The following LAMA2 variants were observed in gnomAD, a reference collection of about 807,000 sequenced individuals.
The protein encoded by LAMA2 is laminin subunit alpha 2.
In LAMA2, 269 loss-of-function variants were observed where a neutral mutation model predicts 364.8. The ratio of observed to expected loss-of-function variants is 0.74; its 90% CI spans 0.67 to 0.82. The LOEUF (loss-of-function observed/expected upper bound fraction) is 0.82. Among genes scored for constraint, LAMA2 ranks in the 40% least tolerant of loss-of-function variants. The probability of loss-of-function intolerance (pLI) is 0.00; values close to 1 mark genes in which losing one functional copy is unlikely to be tolerated. For missense variants in LAMA2, 3,807 were observed against 3,873.2 expected, an observed-to-expected ratio of 0.98 and a Z score of 0.45; for synonymous variants, 1,379 against 1,370.6, an observed-to-expected ratio of 1.01 and a Z score of -0.14.
chr6:129,221,164 A>AAC (rs1783809662), intron 12 of LAMA2, among the ~76,000 whole-genome samples: 1 of 151,088 alleles, frequency 6.6e-6, no homozygotes, highest in Non-Finnish European at 1.5e-5. Flanking sequence ...CTCCATCTCA[A>AAC]AAAAAAAATA....
intron 22 of LAMA2, among the ~76,000 whole-genome samples, chr6:129,308,681 C>CT (rs1774028799): frequency 6.6e-6 from 1 of 152,126 alleles, no homozygotes; most frequent in Non-Finnish European, 1.5e-5. Flanking sequence ...ACAATTCTTG[C>CT]ATTGCTATAA....
intron 1 of LAMA2, among the ~76,000 whole-genome samples, chr6:128,977,078 A>G (rs943843782): frequency 6.6e-6 from 1 of 152,000 alleles, no homozygotes; most frequent in African/African-American, 2.4e-5. Flanking sequence ...CTTTTTTCCT[A>G]TGAGTACCTT....
intron 1 of LAMA2, among the ~76,000 whole-genome samples, chr6:128,971,777 G>GGT (rs1382749241): frequency 2.6e-5 from 4 of 152,144 alleles, no homozygotes; most frequent in African/African-American, 9.7e-5. Flanking sequence ...CACAGAAAGA[G>GGT]GTACCCCTTA....
At chr6:128,894,560 A>G (rs1776650361) in intron 1 of LAMA2, among the ~76,000 whole-genome samples, 2 of 152,234 alleles carry the variant, frequency 1.3e-5, no homozygotes, top group Non-Finnish European at 2.9e-5. Context: ...ATTCCACGAA[A>G]AAAGTGGCTA....
chr6:129,068,005 C>G (rs1773049409), intron 3 of LAMA2, among the ~76,000 whole-genome samples: 1 of 152,116 alleles, frequency 6.6e-6, no homozygotes, highest in South Asian at 2.1e-4. Flanking sequence ...TGTTACTGTT[C>G]AGTTGAATAT....
At chr6:129,364,096 T>C (rs867083971) in intron 32 of LAMA2, among the ~76,000 whole-genome samples, 1 of 152,308 alleles carries the variant, frequency 6.6e-6, no homozygotes, top group Non-Finnish European at 1.5e-5. Context: ...GGTGACGCTC[T>C]ACAGTTGTCA....
Position 129,475,360 on chromosome 6 carries a change from GT to G in LAMA2, c.7440-20del, listed in dbSNP as rs398123386. ...TTATAAGTAAATTGTTTTTATTTTT[GT>G]TTTTTTTTTCCTCTTTCCCGTTATC... On this transcript the variant is annotated intron_variant, in intron 52 of 64. Coordinates refer to ENST00000421865, the MANE Select transcript of LAMA2 (RefSeq NM_000426.4). The G allele has an allele frequency of 2.8e-3, 3,239 of 1,161,996 alleles. 29 individuals are homozygous for G. The highest frequency in any genetic ancestry group is 0.023 in the African/African-American group (1,371 of 60,222). The allele number at this position is 1,161,996 out of a possible 1,614,324, so 72.0% of individuals were successfully genotyped here. A position where few individuals can be genotyped will look rare whatever the true frequency, so the allele number is the denominator to read the frequency against.
chr6:129,101,500 A>G (rs566928391), intron 4 of LAMA2, among the ~76,000 whole-genome samples: 12 of 152,294 alleles, frequency 7.9e-5, no homozygotes, highest in Non-Finnish European at 1.8e-4. Context: ...TCTCTGATTT[A>G]TTTAAATATT....
intron 3 of LAMA2, among the ~76,000 whole-genome samples, chr6:129,093,347 C>T (rs1774968472): frequency 6.6e-6 from 1 of 150,530 alleles, no homozygotes; most frequent in Admixed American, 6.6e-5. Flanking sequence ...GAAACTGATT[C>T]TGGTTTTCAG....
At chr6:129,202,378 A>G (rs1782361320) in intron 12 of LAMA2, among the ~76,000 whole-genome samples, 1 of 151,972 alleles carries the variant, frequency 6.6e-6, no homozygotes, top group South Asian at 2.1e-4. Context: ...TGGGGGAGTG[A>G]TTAAGTCATG....
intron 4 of LAMA2, among the ~76,000 whole-genome samples, chr6:129,124,704 A>G (rs1028088151): frequency 6.6e-6 from 1 of 152,166 alleles, no homozygotes; most frequent in African/African-American, 2.4e-5. Flanking sequence ...TCTTTTTCAT[A>G]AAAAAAATTT....
chr6:128,977,983 C>T (rs997692128), intron 1 of LAMA2, among the ~76,000 whole-genome samples: 3 of 152,104 alleles, frequency 2.0e-5, no homozygotes, highest in Admixed American at 2.0e-4. Context: ...AGTTGTCCTT[C>T]TTTTAAAGAG....
chr6:129,060,054 T>C (rs911067371), intron 3 of LAMA2, among the ~76,000 whole-genome samples, 158 bp downstream of exon 3: 1 of 152,240 alleles, frequency 6.6e-6, no homozygotes, highest in African/African-American at 2.4e-5. Context: ...ATATAGCGTA[T>C]TGTTATTTAC....
intron 1 of LAMA2, among the ~76,000 whole-genome samples, chr6:128,887,285 T>C (rs1323343149): frequency 6.6e-6 from 1 of 152,166 alleles, no homozygotes; most frequent in East Asian, 1.9e-4. Flanking sequence ...TTTTTTTAAA[T>C]ATTTTTCTTT....
intron 28 of LAMA2, among the ~76,000 whole-genome samples, chr6:129,321,448 C>G (rs377215873): frequency 6.6e-6 from 1 of 152,142 alleles, no homozygotes; most frequent in African/African-American, 2.4e-5. Context: ...TCACCTCTCC[C>G]GCAGACCCCA....
intron 58 of LAMA2, among the ~76,000 whole-genome samples, chr6:129,493,103 C>T (rs183856272): frequency 1.8e-3 from 275 of 152,048 alleles, no homozygotes; most frequent in African/African-American, 3.7e-3. Context: ...TGCAGTGAGC[C>T]GAGATCACGC....
Position 129,027,783 on chromosome 6 carries a change from G to A in LAMA2, c.113-22135G>A, listed in dbSNP as rs558064508. Among the ~76,000 whole-genome samples the A allele has an allele frequency of 2.0e-5, 3 of 151,944 alleles. No individual in the cohort carries two copies. In the East Asian group the frequency reaches 5.8e-4, roughly 29 times the overall value. On this transcript the variant is annotated intron_variant, in intron 1 of 64. Coordinates refer to ENST00000421865, the MANE Select transcript of LAMA2 (RefSeq NM_000426.4). ...GGAAGTGAGATGCTGTGTTCAGAGT[G>A]AGATAAGGAAATAATTTGACCAGAG...
intron 1 of LAMA2, among the ~76,000 whole-genome samples, chr6:129,044,395 T>C (rs1008555985): frequency 2.6e-5 from 4 of 152,100 alleles, no homozygotes; most frequent in African/African-American, 9.7e-5. Context: ...TGTGTGAACA[T>C]ACTACATTAT....
rs138782094 is a variant in LAMA2 at position 129,314,756 on chromosome 6, T to C, written c.3513T>C (p.Thr1171=). ...GCAGCAGCTGCTATTGCTTCGGCAC[T>C]ACTACCCAGTGCTCTGAAGCAAAAG... ...LGCSSCYCFG[T]TTQCSEAKGL... Residue 1171 remains threonine (T), a synonymous_variant, in exon 24 of 65, where the codon ACT becomes ACC. Coordinates refer to ENST00000421865, the MANE Select transcript of LAMA2 (RefSeq NM_000426.4). 3.8e-5 allele frequency: 62 copies of C among 1,613,942 alleles called. 1 individual carries two copies. Among genetic ancestry groups the C allele is most frequent in the Non-Finnish European group, 5.0e-5 (59 of 1,180,030 alleles).
Sources: allele counts gnomAD v4.1 joint callset (sites outside exome capture counted in the v4.1 genomes callset), GRCh38; gene constraint gnomAD v4.1.1; transcripts MANE v1.5; gene names NCBI Gene and HGNC (gene_info 2026-07-23, HGNC 2026-07-21).